Variants in WDR17 observed in about 807,000 individuals in gnomAD.
WDR17 encodes the protein WD repeat domain 17.
A neutral mutation model predicts 161.7 loss-of-function variants in WDR17; 143 were observed. The observed-to-expected ratio is 0.88, with a 90% CI of 0.77 to 1.02. The LOEUF is 1.02. Ranked by LOEUF, WDR17 falls within the 50% of genes least tolerant of loss-of-function variation. WDR17 has a pLI of 0.00. For synonymous variants in WDR17, 517 were observed against 515.6 expected, an observed-to-expected ratio of 1.00 and a Z score of -0.04; for missense variants, 1,469 against 1,520.9, an observed-to-expected ratio of 0.97 and a Z score of 0.57.
chr4:176,135,192 A>G lies in WDR17; in HGVS notation c.1183A>G (p.Lys395Glu), dbSNP rs752414880. 3.1e-5 allele frequency: 50 copies of G among 1,612,302 alleles called. No individual in the cohort carries two copies. Among genetic ancestry groups the G allele is most frequent in the Non-Finnish European group, 3.6e-5 (43 of 1,178,738 alleles). The part of the protein sequence containing the change: ...LATASFDGTI[K>E]VWDINTLTAV... ...AACAGCTTCATTTGATGGCACTATA[A>G]AAGTCTGGGATATAAACACATTAAC... is the stretch of plus-strand genomic sequence containing the variant. The change falls in exon 8 of 29, where the codon AAA becomes GAA. Residue 395 changes from lysine (K) to glutamate (E), a missense_variant. By Grantham distance (56) the Lys-to-Glu change is moderately conservative. Coordinates refer to ENST00000508596, the MANE Select transcript of WDR17 (RefSeq NM_181265.4).
At chr4:176,121,096 G>A (rs1741506924) in intron 4 of WDR17, among the ~76,000 whole-genome samples, 1 of 152,092 alleles carries the variant, frequency 6.6e-6, no homozygotes, top group South Asian at 2.1e-4. Flanking sequence ...CACGTCCTCT[G>A]TTGTTCCTTC....
At chr4:176,132,986 G>A (rs1743713667) in intron 7 of WDR17, among the ~76,000 whole-genome samples, 1 of 151,416 alleles carries the variant, frequency 6.6e-6, no homozygotes, top group Admixed American at 6.6e-5. Flanking sequence ...CACTAAATCT[G>A]GCAGTGGGTC....
At chr4:176,155,841 A>G (rs28458464) in intron 17 of WDR17, among the ~76,000 whole-genome samples, 102,553 of 150,746 alleles carry the variant, frequency 0.68, 35,211 homozygotes, top group South Asian at 0.72. Context: ...GGCTTTACAG[A>G]CATCAGCCAC....
At chr4:176,168,911 C>A in intron 23 of WDR17, 128 bp downstream of exon 23, 2 of 1,001,092 alleles carry the variant, frequency 2.0e-6, no homozygotes, top group Non-Finnish European at 1.4e-6. Flanking sequence ...CCTACAAGTA[C>A]AACAAAAGTG....
In WDR17 at chr4:176,167,661, A is replaced by AAAAAACAAC. The variant is rs1554036560; in HGVS notation, c.2991-1006_2991-1005insCAACAAAAA. On this transcript the variant is annotated intron_variant, in intron 22 of 28. Coordinates refer to ENST00000508596, the MANE Select transcript of WDR17 (RefSeq NM_181265.4). ...CTCCGTCTCAAAAAAAAAAAAAAAA[A>AAAAAACAAC]AAAAAAAAAAACAATATCTTGAATT... Among the ~76,000 whole-genome samples, 60 of 113,772 alleles carry AAAAAACAAC rather than the reference A, an allele frequency of 5.3e-4. 3 individuals carry two copies. Among genetic ancestry groups the AAAAAACAAC allele is most frequent in the Middle Eastern group, 4.4e-3 (1 of 226 alleles). The allele number at this position is 113,772 out of a possible 152,430, so 74.6% of individuals were successfully genotyped here.
In WDR17 at chr4:176,135,260, C is replaced by T. The variant is rs1744223441; in HGVS notation, c.1251C>T (p.Ser417=). The change falls in exon 8 of 29, where the codon TCC becomes TCT. Residue 417 remains serine, a synonymous_variant. Coordinates refer to ENST00000508596, the MANE Select transcript of WDR17 (RefSeq NM_181265.4). ...TSPGNEGVIY[S]LSWAPGGLNC... Reference sequence around the variant, plus strand: ...CGGGTAATGAAGGTGTTATTTATTCCCTTTCTTGGGCTCCAGGTAAGAGAT... The same window carrying T: ...CGGGTAATGAAGGTGTTATTTATTCTCTTTCTTGGGCTCCAGGTAAGAGAT... 2 of 1,611,748 alleles carry T rather than the reference C, an allele frequency of 1.2e-6. No homozygotes were observed. Among genetic ancestry groups the T allele is most frequent in the Non-Finnish European group, 1.7e-6 (2 of 1,178,354 alleles).
chr4:176,148,958 T>C (rs1203493544), intron 13 of WDR17, among the ~76,000 whole-genome samples: 1 of 152,238 alleles, frequency 6.6e-6, no homozygotes, highest in Non-Finnish European at 1.5e-5. Flanking sequence ...TTAGAAAAAG[T>C]AACCTCAATC....
Position 176,166,059 on chromosome 4 carries a change from A to G in WDR17, c.2991-2613A>G, listed in dbSNP as rs560969656. ...CAGCGCTTTTTTTACATTTACTGTA[A>G]AAGTCTGTTTCTTTGTGGTATTCAT... On this transcript the variant is annotated intron_variant, in intron 22 of 28. Transcript: ENST00000508596. 9.4e-5 allele frequency: 82 copies of G among 875,934 alleles called. 1 individual carries two copies. The East Asian group carries it at 2.4e-3, about 26-fold the overall frequency. 54.3% of individuals were successfully genotyped at this position (875,934 alleles called of 1,614,324 possible).
chr4:176,109,288 A>C (rs529854536), intron 1 of WDR17, among the ~76,000 whole-genome samples: 5 of 152,046 alleles, frequency 3.3e-5, no homozygotes, highest in Non-Finnish European at 7.4e-5. Flanking sequence ...AATAATGTAC[A>C]TTTTCAGCGA....
chr4:176,095,385 A>G (rs1190906693), intron 1 of WDR17, among the ~76,000 whole-genome samples: 4 of 152,166 alleles, frequency 2.6e-5, no homozygotes, highest in Non-Finnish European at 5.9e-5. Context: ...GCAAGAACCT[A>G]TTCCGAAGCA....
intron 26 of WDR17, among the ~76,000 whole-genome samples, chr4:176,175,581 G>A (rs930720391): frequency 6.6e-6 from 1 of 150,820 alleles, no homozygotes; most frequent in Non-Finnish European, 1.5e-5. Flanking sequence ...TTTTTGAGAT[G>A]GAGTCTCTCT....
intron 8 of WDR17, among the ~76,000 whole-genome samples, chr4:176,136,194 A>C: frequency 6.6e-6 from 1 of 151,648 alleles, no homozygotes; most frequent in Non-Finnish European, 1.5e-5. Context: ...TCCTACAATG[A>C]GGAGAATTAC....
At chr4:176,097,736 CACACAT>C (rs1225219023) in intron 1 of WDR17, among the ~76,000 whole-genome samples, 36 of 118,474 alleles carry the variant, frequency 3.0e-4, no homozygotes, top group African/African-American at 9.4e-4. Flanking sequence ...CACACACACA[CACACAT>C]ACACACACAC....
At chr4:176,104,069 T>A (rs1248636614) in intron 1 of WDR17, among the ~76,000 whole-genome samples, 1 of 152,094 alleles carries the variant, frequency 6.6e-6, no homozygotes, top group Non-Finnish European at 1.5e-5. Flanking sequence ...ACAGCAGATT[T>A]CTGATATGAA....
Position 176,111,712 on chromosome 4 carries a change from ATAAT to A in WDR17, c.123+11_123+14del, listed in dbSNP as rs1406928434. 1 of 1,552,476 alleles carries A rather than the reference ATAAT, an allele frequency of 6.4e-7. No homozygotes were observed. On this transcript the variant is annotated intron_variant, in intron 2 of 28. Coordinates refer to ENST00000508596, the MANE Select transcript of WDR17 (RefSeq NM_181265.4). ...CTATCTATATTTATCAGGTAAAATAATAATTCTTTTCCATTTTTAATTATATCCG... is the reference window on the plus strand; with the variant it reads ...CTATCTATATTTATCAGGTAAAATAATCTTTTCCATTTTTAATTATATCCG...
intron 1 of WDR17, among the ~76,000 whole-genome samples, chr4:176,110,353 C>A (rs553628953): frequency 6.6e-6 from 1 of 151,954 alleles, no homozygotes; most frequent in Non-Finnish European, 1.5e-5. Flanking sequence ...ATGTTAGCCT[C>A]CTGACGTCGT....
At chr4:176,092,649 C>CA (rs1198621018) in intron 1 of WDR17, among the ~76,000 whole-genome samples, 4 of 151,490 alleles carry the variant, frequency 2.6e-5, no homozygotes, top group Non-Finnish European at 5.9e-5. Flanking sequence ...AAGACTCTAC[C>CA]AAAAAAAATA....
chr4:176,164,688 T>G (rs1482769220), intron 22 of WDR17, among the ~76,000 whole-genome samples: 1 of 152,184 alleles, frequency 6.6e-6, no homozygotes, highest in Non-Finnish European at 1.5e-5. Flanking sequence ...ACACTTACAT[T>G]CTTCTTTTTT....
chr4:176,131,974 C>T, intron 7 of WDR17, among the ~76,000 whole-genome samples: 1 of 151,856 alleles, frequency 6.6e-6, no homozygotes, highest in East Asian at 1.9e-4. Flanking sequence ...ATTTTATGTA[C>T]AATGGAAAAT....
Sources: allele counts gnomAD v4.1 joint callset (sites outside exome capture counted in the v4.1 genomes callset), GRCh38; gene constraint gnomAD v4.1.1; transcripts MANE v1.5; gene names NCBI Gene and HGNC (gene_info 2026-07-23, HGNC 2026-07-21).